CAMKK2: variants seen among roughly 807,000 people sequenced by gnomAD.
The protein encoded by CAMKK2 is calcium/calmodulin dependent protein kinase kinase 2, also known as calcium/calmodulin-dependent protein kinase kinase 2.
Under a neutral mutation model 67.2 loss-of-function variants are expected in CAMKK2, and 30 were observed. The observed-to-expected ratio is 0.45, with a 90% CI of 0.33 to 0.61. The LOEUF (loss-of-function observed/expected upper bound fraction) is 0.61. Among genes scored for constraint, CAMKK2 ranks in the 20% least tolerant of loss-of-function variants. CAMKK2 has a pLI of 0.02. For missense variants in CAMKK2, 643 were observed against 802.0 expected (o/e 0.80, Z 2.39); for synonymous variants, 322 against 326.2 (o/e 0.99, Z 0.14).
rs1304896960 is a variant in CAMKK2, at chr12:121,296,054, G to A, written c.-60+584C>T. Among the ~76,000 whole-genome samples the A allele has an allele frequency of 3.9e-5, 6 of 152,336 alleles. 1 individual carries two copies. In the South Asian group the frequency reaches 1.0e-3, roughly 26 times the overall value. ...AGAAGGACCAAGCCTGTGAGGCTCC[G>A]GCTGAGAGAAGAGGTGCGGTGGGGG... On this transcript the variant is annotated intron_variant, in intron 1 of 16. Transcript: ENST00000404169. This position sits in a 1 kb window ranked among gnomAD's most constrained non-coding sequence, Gnocchi z 7.1.
At chr12:121,260,567 G>C in intron 6 of CAMKK2, 1 of 579,656 alleles carries the variant, frequency 1.7e-6, no homozygotes, top group South Asian at 2.2e-5. Flanking sequence ...ATGCCTCTCT[G>C]TCTGATCCTC....
At chr12:121,286,314 TTC>T (rs1450278163) in intron 1 of CAMKK2, among the ~76,000 whole-genome samples, 3 of 152,192 alleles carry the variant, frequency 2.0e-5, no homozygotes, top group African/African-American at 7.2e-5. Flanking sequence ...AACACTGCTT[TTC>T]TCTTTCTTTT....
intron 4 of CAMKK2, among the ~76,000 whole-genome samples, chr12:121,268,897 T>G (rs980001077): frequency 3.3e-5 from 5 of 151,950 alleles, no homozygotes; most frequent in African/African-American, 1.2e-4. Context: ...ACTCCTGGGG[T>G]GCCTCCAGCT....
upstream of CAMKK2, chr12:121,297,785 T>A (rs1183303855): frequency 2.1e-6 from 1 of 473,538 alleles, no homozygotes; most frequent in South Asian, 1.5e-5. Context: ...CGTTCCGATG[T>A]GCTTCTCTTG....
At position 121,245,494 on chromosome 12, in the gene CAMKK2, TC is replaced by T. The variant is rs536919677; in HGVS notation, c.1453-255del. Among the ~76,000 whole-genome samples the T allele has an allele frequency of 1.4e-3, 207 of 152,268 alleles. No homozygotes were observed. Among genetic ancestry groups the T allele is most frequent in the African/African-American group, 4.8e-3 (200 of 41,560 alleles). On this transcript the variant is annotated intron_variant, in intron 14 of 16. Coordinates refer to ENST00000404169, the MANE Select transcript of CAMKK2 (RefSeq NM_001270485.2). This position sits in a 1 kb window ranked among gnomAD's most constrained non-coding sequence, Gnocchi z 5.8. ...GCGTCTCTCCCAGGCCTCCCTGCTTTCCACCTCCCTCCCTCCCATCCCTTCC... is the reference window on the plus strand; with the variant it reads ...GCGTCTCTCCCAGGCCTCCCTGCTTTCACCTCCCTCCCTCCCATCCCTTCC...
chr12:121,256,326 C>G (rs1180532240), intron 7 of CAMKK2, among the ~76,000 whole-genome samples: 1 of 152,154 alleles, frequency 6.6e-6, no homozygotes, highest in Non-Finnish European at 1.5e-5. Context: ...TTGCAGTGAG[C>G]CAAGATTGCA....
intron 6 of CAMKK2, 99 bp downstream of exon 6, chr12:121,263,707 T>A: frequency 8.6e-7 from 1 of 1,158,772 alleles, no homozygotes; most frequent in East Asian, 2.5e-5. Flanking sequence ...CAGTGAGCGG[T>A]CTGGTGTGAC....
intron 16 of CAMKK2, 125 bp downstream of exon 16, chr12:121,244,448 C>G (rs1295370777): frequency 2.1e-6 from 2 of 938,888 alleles, no homozygotes; most frequent in Non-Finnish European, 3.2e-6. Flanking sequence ...CGCGGTGAGC[C>G]GGGCCACAGC....
At chr12:121,268,549 C>A in intron 5 of CAMKK2, 89 bp downstream of exon 5, 1 of 1,211,380 alleles carries the variant, frequency 8.3e-7, no homozygotes. Flanking sequence ...CATGTGGCAC[C>A]ATGCCCAGTG....
In CAMKK2 at chr12:121,245,190, C is replaced by T. The variant is rs200153594; in HGVS notation, c.1503G>A (p.Glu501=). ...GTGAGCGTTCCTCCCGCCGGCTGCC[C>T]TCGAATGGGTTCCCAAAGGAGCGTT... ...IRKRSFGNPF[E]GSRREERSLS... Residue 501 remains glutamate, a synonymous_variant, in exon 15 of 17, where the codon GAG becomes GAA. Transcript: ENST00000404169. The surrounding 1 kb of genome is among the most constrained non-coding windows in gnomAD (Gnocchi z 5.8). 9.3e-6 allele frequency: 15 copies of T among 1,609,466 alleles called. No homozygotes were observed. Among genetic ancestry groups the T allele is most frequent in the Non-Finnish European group, 8.5e-6 (10 of 1,177,704 alleles).
At chr12:121,265,731 G>A (rs949190328) in intron 5 of CAMKK2, among the ~76,000 whole-genome samples, 10 of 152,010 alleles carry the variant, frequency 6.6e-5, no homozygotes, top group South Asian at 2.1e-4. Flanking sequence ...GGTGGTGCAC[G>A]CCTGTAGCCC....
rs58950854 is a variant in CAMKK2 at position 121,271,018 on chromosome 12, A to G, written c.472-73T>C. 13,595 of 1,230,958 alleles carry G rather than the reference A, an allele frequency of 0.011. 1,018 individuals are homozygous for G. In the African/African-American group the frequency reaches 0.17, roughly 16 times the overall value. 76.3% of individuals were successfully genotyped at this position (1,230,958 alleles called of 1,614,324 possible). A position where few individuals can be genotyped will look rare whatever the true frequency, so the allele number is the denominator to read the frequency against. On this transcript the variant is annotated intron_variant, in intron 2 of 16. Coordinates refer to ENST00000404169, the MANE Select transcript of CAMKK2 (RefSeq NM_001270485.2). The stretch of plus-strand genomic sequence containing the variant: ...CTAGAGGCCAGGCACGGTGGCTCAC[A>G]CCTACAAGCCCTTCAGGAGACCAAG...
At chr12:121,264,873 G>A (rs1894214963) in intron 5 of CAMKK2, among the ~76,000 whole-genome samples, 1 of 151,558 alleles carries the variant, frequency 6.6e-6, no homozygotes. Flanking sequence ...CAAGAGGCTG[G>A]GGTGGGAGGA....
At chr12:121,242,221 G>T (rs1451279321) in intron 16 of CAMKK2, among the ~76,000 whole-genome samples, 1 of 151,974 alleles carries the variant, frequency 6.6e-6, no homozygotes, top group Non-Finnish European at 1.5e-5. Context: ...TGTAAACCCA[G>T]CTACTCAGGA....
chr12:121,291,419 A>C lies in CAMKK2; in HGVS notation c.-60+5219T>G, dbSNP rs928668031. Among the ~76,000 whole-genome samples, 8 of 152,368 alleles carry C rather than the reference A, an allele frequency of 5.3e-5. No homozygotes were observed. In the South Asian group the frequency reaches 1.0e-3, roughly 20 times the overall value. The stretch of plus-strand genomic sequence containing the variant: ...TATACACAAAATGCGGTCCATCCAC[A>C]CAATGGAATAGTACTGGGCCGCAGA... On this transcript the variant is annotated intron_variant, in intron 1 of 16. Transcript: ENST00000404169.
At chr12:121,257,912 G>A (rs1892667177) in intron 7 of CAMKK2, among the ~76,000 whole-genome samples, 1 of 152,108 alleles carries the variant, frequency 6.6e-6, no homozygotes, top group South Asian at 2.1e-4. Flanking sequence ...ATGAGGGAGG[G>A]TGGCCTGTTG....
chr12:121,241,602 CCT>C (rs1283596345), intron 16 of CAMKK2, among the ~76,000 whole-genome samples: 1 of 152,248 alleles, frequency 6.6e-6, no homozygotes, highest in Non-Finnish European at 1.5e-5. Context: ...ACACAGCTCC[CCT>C]GTTCTTAGGG....
intron 16 of CAMKK2, among the ~76,000 whole-genome samples, chr12:121,243,122 C>T (rs1480334867): frequency 6.6e-6 from 1 of 151,796 alleles, no homozygotes; most frequent in Non-Finnish European, 1.5e-5. Context: ...CAACCTCCAC[C>T]TCCTGGGTTC....
chr12:121,294,231 C>A (rs999932537), intron 1 of CAMKK2, among the ~76,000 whole-genome samples: 1 of 152,044 alleles, frequency 6.6e-6, no homozygotes, highest in African/African-American at 2.4e-5. Flanking sequence ...CCACGCCCAG[C>A]CAGGGGAGGG....
Sources: gnomAD v4.1 joint callset for allele counts (sites outside exome capture counted in the v4.1 genomes callset) on GRCh38, gnomAD v4.1.1 for gene constraint, Gnocchi (gnomAD v3.1) non-coding constraint, MANE v1.5 for transcripts, NCBI Gene and HGNC (gene_info 2026-07-23, HGNC 2026-07-21) for gene names.